The following CACNB2 variants were observed in gnomAD, a reference collection of about 807,000 sequenced individuals.
CACNB2 encodes the protein voltage-dependent L-type calcium channel subunit beta-2.
Under a neutral mutation model 73.3 loss-of-function variants are expected in CACNB2, and 42 were observed. That is an observed-to-expected ratio of 0.57 (90% CI 0.45 to 0.74). The LOEUF (loss-of-function observed/expected upper bound fraction) is 0.74, where lower values mean the gene tolerates loss of function less well. Among genes scored for constraint, CACNB2 ranks in the 30% least tolerant of loss-of-function variants. The pLI is 0.00. For synonymous variants in CACNB2, 348 were observed against 310.3 expected (o/e 1.12, Z -1.28); for missense variants, 940 against 853.0 (o/e 1.10, Z -1.27).
chr10:18,525,701 C>T (rs1205138657), intron 9 of CACNB2, among the ~76,000 whole-genome samples: 1 of 151,990 alleles, frequency 6.6e-6, no homozygotes, highest in Admixed American at 6.6e-5. Context: ...ATTTTCTTTC[C>T]TCTGTCTTCT....
intron 3 of CACNB2, among the ~76,000 whole-genome samples, chr10:18,492,866 TG>T (rs1305026668): frequency 6.6e-6 from 1 of 152,064 alleles, no homozygotes; most frequent in African/African-American, 2.4e-5. Flanking sequence ...TGGGCTTTAA[TG>T]GGGGGTAAAT....
intron 2 of CACNB2, among the ~76,000 whole-genome samples, chr10:18,356,370 C>G (rs1394395478): frequency 6.6e-6 from 1 of 152,198 alleles, no homozygotes; most frequent in Non-Finnish European, 1.5e-5. Context: ...TCCTCACTTT[C>G]TCCAGCAAGC....
chr10:18,361,534 C>T (rs1432567586), intron 2 of CACNB2, among the ~76,000 whole-genome samples: 2 of 149,550 alleles, frequency 1.3e-5, no homozygotes, highest in East Asian at 3.9e-4. Flanking sequence ...AAAACAATTC[C>T]AGTCATATAA....
intron 3 of CACNB2, among the ~76,000 whole-genome samples, chr10:18,466,202 C>T (rs2047874277): frequency 1.3e-5 from 2 of 152,120 alleles, no homozygotes; most frequent in African/African-American, 4.8e-5. Flanking sequence ...CTTCCAGACA[C>T]TAAAGCTGGA....
At chr10:18,149,775 G>A (rs376053880) in intron 1 of CACNB2, among the ~76,000 whole-genome samples, 10 of 152,182 alleles carry the variant, frequency 6.6e-5, no homozygotes, top group African/African-American at 1.9e-4. Flanking sequence ...CATGTTATAC[G>A]CTTTAGTCCA....
chr10:18,275,423 G>T (rs1225751149), intron 2 of CACNB2, among the ~76,000 whole-genome samples: 1 of 152,146 alleles, frequency 6.6e-6, no homozygotes, highest in African/African-American at 2.4e-5. Flanking sequence ...TTGAATATCA[G>T]CTTCTAGGAG....
chr10:18,168,680 C>T (rs16916912), intron 2 of CACNB2, among the ~76,000 whole-genome samples: 11,479 of 152,188 alleles, frequency 0.075, 481 homozygotes, highest in African/African-American at 0.094. Context: ...CATTTGAAAA[C>T]CAAGCTCTAG....
At chr10:18,388,789 A>C (rs2043340836) in intron 2 of CACNB2, among the ~76,000 whole-genome samples, 1 of 151,798 alleles carries the variant, frequency 6.6e-6, no homozygotes, top group Non-Finnish European at 1.5e-5. Flanking sequence ...TAATCATAAA[A>C]TTTTATGTCT....
At chr10:18,156,671 A>G (rs545189188) in intron 2 of CACNB2, among the ~76,000 whole-genome samples, 100 of 152,188 alleles carry the variant, frequency 6.6e-4, no homozygotes, top group Non-Finnish European at 1.2e-3. Context: ...TATACAGTAC[A>G]TCAAATATTT....
At chr10:18,480,177 T>A (rs2048650764) in intron 3 of CACNB2, among the ~76,000 whole-genome samples, 1 of 152,132 alleles carries the variant, frequency 6.6e-6, no homozygotes, top group Non-Finnish European at 1.5e-5. Context: ...TTTCCAAGGG[T>A]TTTTTGAAGG....
intron 2 of CACNB2, among the ~76,000 whole-genome samples, chr10:18,320,152 C>T (rs1301995514): frequency 1.3e-5 from 2 of 152,088 alleles, no homozygotes; most frequent in African/African-American, 2.4e-5. Context: ...CTCACCAGTT[C>T]GAATTAATTT....
chr10:18,395,442 C>T (rs1258321481), intron 2 of CACNB2, among the ~76,000 whole-genome samples: 4 of 151,804 alleles, frequency 2.6e-5, no homozygotes, highest in Non-Finnish European at 5.9e-5. Context: ...TTTCTGGTGC[C>T]TTTTAAAAAA....
rs548063057 is a variant in CACNB2 at position 18,228,926 on chromosome 10, G to C, written c.213+77951G>C. On this transcript the variant is annotated intron_variant, in intron 2 of 13. Transcript: ENST00000324631. The stretch of plus-strand genomic sequence containing the variant: ...GCTAATTATTTTTGTATTTTTAGTA[G>C]AGATGGGGTTTCACCACGTGGGCCA... Among the ~76,000 whole-genome samples the C allele has an allele frequency of 3.7e-3, 562 of 152,212 alleles. 7 individuals are homozygous for C. Among genetic ancestry groups the C allele is most frequent in the African/African-American group, 0.013 (538 of 41,536 alleles).
At chr10:18,188,726 C>T (rs1048852080) in intron 2 of CACNB2, among the ~76,000 whole-genome samples, 2 of 152,098 alleles carry the variant, frequency 1.3e-5, no homozygotes, top group South Asian at 2.1e-4. Flanking sequence ...GAAATCATCT[C>T]GTTATAGCAC....
intron 11 of CACNB2, among the ~76,000 whole-genome samples, chr10:18,535,636 G>A (rs1469234759): frequency 7.0e-6 from 1 of 142,894 alleles, no homozygotes; most frequent in Non-Finnish European, 1.6e-5. Flanking sequence ...AGCCGGGCGT[G>A]GTGGCGGGTG....
chr10:18,415,611 A>T (rs1313225220), intron 3 of CACNB2, among the ~76,000 whole-genome samples: 1 of 152,108 alleles, frequency 6.6e-6, no homozygotes, highest in African/African-American at 2.4e-5. Flanking sequence ...TTAGTGACTG[A>T]CCCTCTGGAG....
intron 2 of CACNB2, among the ~76,000 whole-genome samples, chr10:18,283,782 A>G (rs2038665739): frequency 6.6e-6 from 1 of 152,202 alleles, no homozygotes; most frequent in Non-Finnish European, 1.5e-5. Context: ...ACTAACCTGC[A>G]CATTGTGCAC....
At chr10:18,425,845 A>G in intron 3 of CACNB2, among the ~76,000 whole-genome samples, 1 of 152,180 alleles carries the variant, frequency 6.6e-6, no homozygotes, top group East Asian at 1.9e-4. Flanking sequence ...TTCATGTAGA[A>G]TACCTGTTTG....
intron 3 of CACNB2, among the ~76,000 whole-genome samples, chr10:18,440,685 A>C (rs1039952840): frequency 2.6e-5 from 4 of 152,092 alleles, no homozygotes; most frequent in Non-Finnish European, 4.4e-5. Flanking sequence ...ATTTGATCAA[A>C]ATTGTGAATG....
Sources: gnomAD v4.1 joint callset for allele counts (sites outside exome capture counted in the v4.1 genomes callset) on GRCh38, gnomAD v4.1.1 for gene constraint, MANE v1.5 for transcripts, NCBI Gene and HGNC (gene_info 2026-07-23, HGNC 2026-07-21) for gene names.